Variants in CD177 observed in about 807,000 individuals in gnomAD.
CD177 encodes CD177 antigen.
A neutral mutation model predicts 38.1 loss-of-function variants in CD177; 41 were observed. The ratio of observed to expected loss-of-function variants is 1.07; its 90% CI spans 0.84 to 1.39. The LOEUF (loss-of-function observed/expected upper bound fraction) is 1.39, where lower values mean the gene tolerates loss of function less well. Ranked by LOEUF, CD177 falls within the 40% of genes most tolerant of loss-of-function variation. The pLI is 0.00. For synonymous variants in CD177, 236 were observed against 216.7 expected, an observed-to-expected ratio of 1.09 and a Z score of -0.78; for missense variants, 619 against 523.8, an observed-to-expected ratio of 1.18 and a Z score of -1.77.
Position 43,354,353 on chromosome 19 carries a change from G to C in CD177, c.340G>C (p.Val114Leu), listed in dbSNP as rs371980619. The change falls in exon 3 of 9, where the codon GTT becomes CTT. Residue 114 changes from valine to leucine, a missense_variant. By Grantham distance (32) the Val-to-Leu change is conservative. Coordinates refer to ENST00000618265, the MANE Select transcript of CD177 (RefSeq NM_020406.4). ...CRQEDFCNNL[V>L]NSLPLWAPQP... ...CCAGGAGGACTTCTGCAACAACCTC[G>C]TTAACTCCCTCCCGCTTTGGGCCCC... 1.5e-5 allele frequency: 24 copies of C among 1,613,774 alleles called. No homozygotes were observed. The highest frequency in any genetic ancestry group is 3.3e-4 in the Middle Eastern group (2 of 6,084).
chr19:43,364,094 TA>T, downstream of CD177, among the ~76,000 whole-genome samples: 1 of 151,472 alleles, frequency 6.6e-6, no homozygotes, highest in South Asian at 2.1e-4. Context: ...GGGGGAAAAA[TA>T]AATCAGAGTC....
At chr19:43,360,464 C>T in intron 6 of CD177, 59 bp downstream of exon 6, 1 of 1,493,618 alleles carries the variant, frequency 6.7e-7, no homozygotes, top group East Asian at 2.5e-5. Flanking sequence ...GCTCCCTCCA[C>T]CCCACTGGAT....
downstream of CD177, among the ~76,000 whole-genome samples, chr19:43,364,009 G>A (rs182586227): frequency 3.7e-4 from 57 of 152,282 alleles, no homozygotes; most frequent in African/African-American, 1.2e-3. Flanking sequence ...CTGAGTCCAG[G>A]AGGTCAAGGC....
chr19:43,354,061 C>A, intron 2 of CD177, 68 bp downstream of exon 2: 1 of 1,578,354 alleles, frequency 6.3e-7, no homozygotes, highest in Non-Finnish European at 8.6e-7. Context: ...GTGCAGGGAC[C>A]CGGGAGCCAC....
Position 43,354,341 on chromosome 19 carries a change from T to C in CD177, c.328T>C (p.Cys110Arg), listed in dbSNP as rs763264024. 1.9e-6 allele frequency: 3 copies of C among 1,613,810 alleles called. No individual in the cohort carries two copies. The highest frequency in any genetic ancestry group is 1.7e-5 in the Admixed American group (1 of 60,010). Residue 110 changes from cysteine (C) to arginine (R), a missense_variant, in exon 3 of 9, where the codon TGC becomes CGC. Cys to Arg is a radical substitution (Grantham distance 180). Transcript: ENST00000618265. ...CTTCGTGTGCCGCCAGGAGGACTTC[T>C]GCAACAACCTCGTTAACTCCCTCCC... ...YTFVCRQEDF[C>R]NNLVNSLPLW...
At chr19:43,353,831 G>T (rs1263671036) in intron 1 of CD177, 22 bp from the exon 2 acceptor site, 2 of 1,613,796 alleles carry the variant, frequency 1.2e-6, no homozygotes, top group Non-Finnish European at 8.5e-7. Flanking sequence ...CTGCTGAGAT[G>T]GATTTGCTCT....
Position 43,360,242 on chromosome 19 carries a change from C to T in CD177, c.620-23C>T, listed in dbSNP as rs371337221. ...ACATGGTGGGTTCCTGGCTTACACACACCCTGGGATTCCTCTCCCCAGATT... is the reference window on the plus strand; with the variant it reads ...ACATGGTGGGTTCCTGGCTTACACATACCCTGGGATTCCTCTCCCCAGATT... On this transcript the variant is annotated intron_variant, in intron 5 of 8. Transcript: ENST00000618265. 3.7e-6 allele frequency: 6 copies of T among 1,610,858 alleles called. No individual in the cohort carries two copies. The Middle Eastern group carries it at 5.0e-4, about 133-fold the overall frequency.
chr19:43,355,546 T>A (rs1239180899), intron 3 of CD177, 115 bp from the exon 4 acceptor site: 2 of 1,252,616 alleles, frequency 1.6e-6, no homozygotes, highest in African/African-American at 1.5e-5. Context: ...AAGGCCCCTT[T>A]GGGAAGGCTG....
At chr19:43,354,877 G>C (rs1395672522) in intron 3 of CD177, among the ~76,000 whole-genome samples, 1 of 151,968 alleles carries the variant, frequency 6.6e-6, no homozygotes, top group Non-Finnish European at 1.5e-5. Flanking sequence ...TCCTGTTCTT[G>C]GAGGTTTAGT....
intron 6 of CD177, chr19:43,360,709 C>T: frequency 2.4e-6 from 1 of 414,634 alleles, no homozygotes; most frequent in Non-Finnish European, 4.4e-6. Context: ...AAATGTTTAT[C>T]CAGCATTTGT....
Position 43,354,342 on chromosome 19 carries a change from G to A in CD177, c.329G>A (p.Cys110Tyr), listed in dbSNP as rs766682008. The change falls in exon 3 of 9, where the codon TGC becomes TAC. Residue 110 changes from cysteine to tyrosine, a missense_variant. Cys to Tyr is a radical substitution (Grantham distance 194, BLOSUM62 -2). Transcript: ENST00000618265. The part of the protein sequence containing the change: ...YTFVCRQEDF[C>Y]NNLVNSLPLW... ...TTCGTGTGCCGCCAGGAGGACTTCT[G>A]CAACAACCTCGTTAACTCCCTCCCG... 5.6e-6 allele frequency: 9 copies of A among 1,613,916 alleles called. No individual in the cohort carries two copies. In the South Asian group the frequency reaches 9.9e-5, roughly 18 times the overall value.
chr19:43,354,468 G>T, intron 3 of CD177, 76 bp downstream of exon 3: 1 of 1,483,958 alleles, frequency 6.7e-7, no homozygotes, highest in Non-Finnish European at 9.3e-7. Context: ...GGCTGTTACG[G>T]AGTCCCTCCC....
downstream of CD177, among the ~76,000 whole-genome samples, chr19:43,363,678 GA>G (rs1436060918): frequency 1.2e-4 from 18 of 146,360 alleles, no homozygotes; most frequent in Admixed American, 2.7e-4. Flanking sequence ...CTACAGAACA[GA>G]GGAGAGGAGA....
intron 3 of CD177, 128 bp downstream of exon 3, chr19:43,354,520 C>G (rs1195626218): frequency 3.3e-6 from 3 of 915,074 alleles, no homozygotes; most frequent in Non-Finnish European, 5.1e-6. Flanking sequence ...TCCATCCCTC[C>G]CCTGACTGCT....
intron 6 of CD177, chr19:43,360,913 C>T (rs1252751584): frequency 1.3e-5 from 8 of 606,766 alleles, no homozygotes; most frequent in Non-Finnish European, 2.4e-5. Context: ...TCAGGGGAGA[C>T]TCATGGAGAA....
downstream of CD177, among the ~76,000 whole-genome samples, chr19:43,363,915 G>A (rs922689996): frequency 7.9e-5 from 12 of 151,976 alleles, no homozygotes; most frequent in Non-Finnish European, 1.6e-4. Flanking sequence ...TAGTGAAACC[G>A]CTTCTCTACA....
In CD177 at chr19:43,354,208, A is replaced by AC; in HGVS notation, c.199dup (p.Gln67ProfsTer22). ...GCTTGCCTCCCTCTTTCGGTCCAGG[A>AC]CCCCAAGTGAGCCTGGTGCTCTCCA... On this transcript the variant is annotated frameshift_variant and splice_region_variant, in exon 3 of 9. Coordinates refer to ENST00000618265, the MANE Select transcript of CD177 (RefSeq NM_020406.4). LOFTEE classifies it high-confidence loss of function. 6.2e-7 allele frequency: 1 copy of AC among 1,611,992 alleles called. No individual in the cohort carries two copies. Among genetic ancestry groups the AC allele is most frequent in the Admixed American group, 1.7e-5 (1 of 59,702 alleles).
intron 7 of CD177, 56 bp from the exon 8 acceptor site, chr19:43,361,389 T>C: frequency 1.3e-6 from 2 of 1,594,158 alleles, no homozygotes; most frequent in Non-Finnish European, 1.7e-6. Context: ...TGGCCCAAGG[T>C]GGCCAGCTGC....
rs114987305 is a variant in CD177, at chr19:43,354,439, G to A, written c.379+47G>A. On this transcript the variant is annotated intron_variant, in intron 3 of 8. Transcript: ENST00000618265. ...GGAGAGGGAGGGGCTGCTAGAAGGG[G>A]ATCCGCTGAGCACAGAGGGGCTGTT... 1.5e-3 allele frequency: 2,377 copies of A among 1,594,408 alleles called. 34 individuals carry two copies. In the African/African-American group the frequency reaches 0.027, roughly 18 times the overall value.
Sources: allele counts gnomAD v4.1 joint callset (sites outside exome capture counted in the v4.1 genomes callset), GRCh38; gene constraint gnomAD v4.1.1; transcripts MANE v1.5; gene names NCBI Gene and HGNC (gene_info 2026-07-23, HGNC 2026-07-21).